TEX10: variants seen among roughly 807,000 people sequenced by gnomAD.
TEX10 encodes testis-expressed protein 10.
Under a neutral mutation model 104.4 loss-of-function variants are expected in TEX10, and 24 were observed. The ratio of observed to expected loss-of-function variants is 0.23; its 90% confidence interval spans 0.17 to 0.32. The LOEUF (loss-of-function observed/expected upper bound fraction) is 0.32. Ranked by LOEUF, TEX10 falls within the 10% of genes least tolerant of loss-of-function variation. TEX10 has a pLI of 1.00. For synonymous variants in TEX10, 396 were observed against 393.4 expected (o/e 1.01, Z -0.08); for missense variants, 921 against 1,083.9 (o/e 0.85, Z 2.11).
At position 100,308,526 on chromosome 9, in the gene TEX10, T is replaced by C. The variant is rs1327598995; in HGVS notation, c.2439A>G (p.Lys813=). The C allele has an allele frequency of 1.2e-5, 19 of 1,595,338 alleles. No homozygotes were observed. In the Admixed American group the frequency reaches 2.7e-4, roughly 23 times the overall value. ...TCTTTCTTAGATGTTCTGCTTCCCCTTTCTCTATAGTGAGCAGAAAATAAA... is the reference window on the plus strand; with the variant it reads ...TCTTTCTTAGATGTTCTGCTTCCCCCTTCTCTATAGTGAGCAGAAAATAAA... The part of the protein sequence containing the change: ...SLLYFLLTIE[K]GEAEHLRKRD... Residue 813 remains lysine (K), a synonymous_variant, in exon 13 of 15, where the codon AAA becomes AAG. Coordinates refer to ENST00000374902, the MANE Select transcript of TEX10 (RefSeq NM_017746.4).
intron 2 of TEX10, among the ~76,000 whole-genome samples, chr9:100,347,921 CG>C (rs1554740773): frequency 2.6e-5 from 4 of 151,444 alleles, no homozygotes; most frequent in Non-Finnish European, 5.9e-5. Flanking sequence ...AAGCAAAACT[CG>C]AAAAATGTAT....
chr9:100,342,468 T>G (rs1421818222), intron 4 of TEX10, among the ~76,000 whole-genome samples: 1 of 152,232 alleles, frequency 6.6e-6, no homozygotes, highest in Non-Finnish European at 1.5e-5. Context: ...CTGTTCTATA[T>G]CTATCTGCAC....
In TEX10 at chr9:100,330,630, G is replaced by A. The variant is rs533699603; in HGVS notation, c.1251-461C>T. ...CATGTGAAATAAGGAGACATACCCC[G>A]GTAAGCACTGATTTGAAACAATTTT... is the stretch of plus-strand genomic sequence containing the variant. On this transcript the variant is annotated intron_variant, in intron 5 of 14. Transcript: ENST00000374902. 1.6e-4 allele frequency among the ~76,000 whole-genome samples: 24 copies of A among 152,092 alleles called. No individual in the cohort carries two copies. The South Asian group carries it at 2.5e-3, about 16-fold the overall frequency.
At chr9:100,315,110 G>C (rs1256234425) in intron 11 of TEX10, among the ~76,000 whole-genome samples, 2 of 152,166 alleles carry the variant, frequency 1.3e-5, no homozygotes, top group Non-Finnish European at 2.9e-5. Context: ...ACTGTGGTCT[G>C]AGGAGATATA....
rs763414226 is a variant in TEX10 at position 100,321,788 on chromosome 9, G to C, written c.1980-17C>G. On this transcript the variant is annotated splice_polypyrimidine_tract_variant and intron_variant, in intron 9 of 14. Coordinates refer to ENST00000374902, the MANE Select transcript of TEX10 (RefSeq NM_017746.4). ...AATGATGATCTATAAAAAACAAAGGGAGAACTATTACCAGAAGTGACCAAC... is the reference window on the plus strand; with the variant it reads ...AATGATGATCTATAAAAAACAAAGGCAGAACTATTACCAGAAGTGACCAAC... 1 of 1,597,278 alleles carries C rather than the reference G, an allele frequency of 6.3e-7. No individual in the cohort carries two copies. The highest frequency in any genetic ancestry group is 1.3e-5 in the African/African-American group (1 of 74,564).
chr9:100,329,850 A>AG (rs1834811606), intron 6 of TEX10, 81 bp downstream of exon 6: 1 of 1,184,368 alleles, frequency 8.4e-7, no homozygotes, highest in Non-Finnish European at 1.2e-6. Context: ...AATGTTTACA[A>AG]GCCATCATTT....
chr9:100,303,995 C>A (rs111808232), intron 13 of TEX10, 153 bp from the exon 14 acceptor site: 28 of 687,322 alleles, frequency 4.1e-5, no homozygotes, highest in Admixed American at 2.8e-4. Context: ...ATCTCACTTA[C>A]AATAGCCACA....
At chr9:100,352,352 G>A in intron 1 of TEX10, 1 of 1,551,184 alleles carries the variant, frequency 6.4e-7, no homozygotes, top group Non-Finnish European at 8.7e-7. Flanking sequence ...CCAGAGGACG[G>A]AACAGGGGAC....
chr9:100,323,085 A>C (rs569144257), intron 9 of TEX10, among the ~76,000 whole-genome samples: 3 of 152,344 alleles, frequency 2.0e-5, no homozygotes, highest in Non-Finnish European at 2.9e-5. Context: ...GTTGAAAAAC[A>C]AACTATTATC....
rs527461597 is a variant in TEX10, at chr9:100,325,097, A to G, written c.1979+1205T>C. On this transcript the variant is annotated intron_variant, in intron 9 of 14. Coordinates refer to ENST00000374902, the MANE Select transcript of TEX10 (RefSeq NM_017746.4). Reference sequence around the variant, plus strand: ...AAGGCAAGTTTATTGTCAGTTATGAAGCACACTTCCAGTGACCAGAGTCAA... The same window carrying G: ...AAGGCAAGTTTATTGTCAGTTATGAGGCACACTTCCAGTGACCAGAGTCAA... 4.6e-5 allele frequency among the ~76,000 whole-genome samples: 7 copies of G among 152,334 alleles called. No individual in the cohort carries two copies. In the East Asian group the frequency reaches 1.2e-3, roughly 25 times the overall value.
chr9:100,348,583 C>T (rs530089191), intron 2 of TEX10, among the ~76,000 whole-genome samples: 111 of 152,222 alleles, frequency 7.3e-4, no homozygotes, highest in Non-Finnish European at 1.4e-3. Context: ...GAAAACTGTT[C>T]ATCAAAAATT....
At chr9:100,352,641 C>A in intron 1 of TEX10, 131 bp downstream of exon 1, 1 of 1,445,340 alleles carries the variant, frequency 6.9e-7, no homozygotes, top group South Asian at 1.4e-5. Flanking sequence ...ACGCCGCGGC[C>A]CAGACCCGGG....
intron 1 of TEX10, chr9:100,352,424 G>A (rs754561107): frequency 1.3e-6 from 2 of 1,551,742 alleles, no homozygotes; most frequent in Non-Finnish European, 1.7e-6. Context: ...CACACCATGG[G>A]TTTTAGGAAA....
At chr9:100,343,999 C>T (rs975540695) in intron 4 of TEX10, among the ~76,000 whole-genome samples, 1 of 152,166 alleles carries the variant, frequency 6.6e-6, no homozygotes, top group Non-Finnish European at 1.5e-5. Flanking sequence ...AACAATCTAT[C>T]ATTTTGTATA....
chr9:100,328,018 T>G lies in TEX10; in HGVS notation c.1626-56A>C, dbSNP rs73658713. ...ATACTCAAAGACAAGGGAAATAAATTTAAACAAAAAAAAAATTTTTTTTTA... is the reference window on the plus strand; with the variant it reads ...ATACTCAAAGACAAGGGAAATAAATGTAAACAAAAAAAAAATTTTTTTTTA... On this transcript the variant is annotated intron_variant, in intron 7 of 14. Transcript: ENST00000374902. 2.7e-3 allele frequency: 3,659 copies of G among 1,373,192 alleles called. 86 individuals are homozygous for G. In the African/African-American group the frequency reaches 0.05, roughly 19 times the overall value. The allele number at this position is 1,373,192 out of a possible 1,614,324, so 85.1% of individuals were successfully genotyped here. A position where few individuals can be genotyped will look rare whatever the true frequency, so the allele number is the denominator to read the frequency against.
chr9:100,314,967 G>C (rs1317645541), intron 11 of TEX10, among the ~76,000 whole-genome samples: 1 of 152,032 alleles, frequency 6.6e-6, no homozygotes, highest in Non-Finnish European at 1.5e-5. Context: ...AATTTCTTCA[G>C]TGACTCAATG....
At chr9:100,342,374 C>A (rs1488888995) in intron 4 of TEX10, among the ~76,000 whole-genome samples, 1 of 152,160 alleles carries the variant, frequency 6.6e-6, no homozygotes, top group Non-Finnish European at 1.5e-5. Context: ...ACCATGAGGG[C>A]AAGCACCTTA....
At chr9:100,319,240 CTT>C (rs1354727857) in intron 11 of TEX10, among the ~76,000 whole-genome samples, 1 of 151,972 alleles carries the variant, frequency 6.6e-6, no homozygotes, top group Non-Finnish European at 1.5e-5. Context: ...TAACAAAAAA[CTT>C]TTTAAAGTCA....
At chr9:100,337,590 A>T (rs1835043667) in intron 5 of TEX10, among the ~76,000 whole-genome samples, 1 of 152,208 alleles carries the variant, frequency 6.6e-6, no homozygotes, top group Non-Finnish European at 1.5e-5. Context: ...CAACTCCAGA[A>T]GCTCCCTAAA....
Sources: allele counts gnomAD v4.1 joint callset (sites outside exome capture counted in the v4.1 genomes callset), GRCh38; gene constraint gnomAD v4.1.1; transcripts MANE v1.5; gene names NCBI Gene and HGNC (gene_info 2026-07-23, HGNC 2026-07-21).